KLRG1: variants seen among roughly 807,000 people sequenced by gnomAD.
KLRG1 encodes the protein killer cell lectin like receptor G1, also known as killer cell lectin-like receptor subfamily G member 1.
KLRG1 carries 16 observed loss-of-function variants against 21.8 expected under a neutral mutation model. The observed-to-expected ratio is 0.73, with a 90% confidence interval of 0.50 to 1.11. KLRG1 has a LOEUF of 1.11. KLRG1 is among the 50% of genes most tolerant of loss of function. The probability of loss-of-function intolerance (pLI) is 0.00; values close to 1 mark genes in which losing one functional copy is unlikely to be tolerated. For missense variants in KLRG1, 173 were observed against 218.3 expected (o/e 0.79, Z 1.31); for synonymous variants, 69 against 75.9 (o/e 0.91, Z 0.47).
rs757315791 is a variant in KLRG1, at chr12:9,009,218, A to G, written c.458+143A>G. 8 of 850,846 alleles carry G rather than the reference A, an allele frequency of 9.4e-6. No homozygotes were observed. The Admixed American group carries it at 2.3e-4, about 25-fold the overall frequency. 52.7% of individuals were successfully genotyped at this position (850,846 alleles called of 1,614,324 possible). A position where few individuals can be genotyped will look rare whatever the true frequency, so the allele number is the denominator to read the frequency against. ...AGAGGAAATAGGGAACAAGGAAGGG[A>G]ATGAACAATGGGTAAGGGCAAAAAA... On this transcript the variant is annotated intron_variant, in intron 4 of 4. Transcript: ENST00000356986.
At chr12:8,967,606 C>T (rs1453013536) in intron 1 of KLRG1, among the ~76,000 whole-genome samples, 58 of 152,044 alleles carry the variant, frequency 3.8e-4, no homozygotes, top group Admixed American at 3.7e-3. Flanking sequence ...CTTGCAGTCT[C>T]AGCTACTTGA....
At chr12:9,094,340 C>CATATATATATATATATAT in the KLRG1 span, among the ~76,000 whole-genome samples, 1 of 97,018 alleles carries the variant, frequency 1.0e-5, no homozygotes, top group Non-Finnish European at 2.0e-5. Flanking sequence ...AAAAATTGTG[C>CATATATATATATATATAT]ATATATATAT....
chr12:9,157,134 T>C, the KLRG1 span: 12,663 of 1,577,554 alleles, frequency 8.0e-3, 67 homozygotes, highest in Non-Finnish European at 0.01. Context: ...CCTGTGTCTA[T>C]GTGTTCTCAT....
At chr12:9,109,331 C>T in the KLRG1 span, 7 of 1,612,066 alleles carry the variant, frequency 4.3e-6, no homozygotes, top group Admixed American at 1.0e-4. Context: ...AGGCCACACA[C>T]TGATACATTC....
the KLRG1 span, chr12:9,106,451 G>T: frequency 6.9e-7 from 1 of 1,441,216 alleles, no homozygotes; most frequent in Non-Finnish European, 9.7e-7. Flanking sequence ...GAAAATCAAT[G>T]CCTGTTGTGT....
the KLRG1 span, chr12:9,160,144 G>C: frequency 1.7e-6 from 2 of 1,172,748 alleles, no homozygotes; most frequent in Non-Finnish European, 2.5e-6. Flanking sequence ...ATCTGCCATA[G>C]TTTTGTGAAT....
the KLRG1 span, among the ~76,000 whole-genome samples, chr12:9,185,995 A>G: frequency 3.3e-5 from 5 of 151,760 alleles, no homozygotes; most frequent in Non-Finnish European, 5.9e-5. Flanking sequence ...TTTAGTAGAG[A>G]TGGGGTTTCA....
the KLRG1 span, among the ~76,000 whole-genome samples, chr12:9,180,521 A>G: frequency 6.6e-6 from 1 of 152,346 alleles, no homozygotes; most frequent in East Asian, 1.9e-4. Context: ...CTGATCTTCG[A>G]CAAACCTGAG....
At chr12:9,042,226 G>A in the KLRG1 span, among the ~76,000 whole-genome samples, 1 of 152,178 alleles carries the variant, frequency 6.6e-6, no homozygotes, top group African/African-American at 2.4e-5. Context: ...AGAAGTAACT[G>A]CTCAGTTTTC....
intron 1 of KLRG1, among the ~76,000 whole-genome samples, chr12:8,953,747 A>G (rs898789620): frequency 2.0e-5 from 3 of 152,220 alleles, no homozygotes; most frequent in African/African-American, 7.2e-5. Context: ...GGAAAAATTT[A>G]AAGAATTATT....
chr12:9,011,873 C>G (rs764234219), downstream of KLRG1, among the ~76,000 whole-genome samples: 3 of 152,120 alleles, frequency 2.0e-5, no homozygotes, highest in Non-Finnish European at 2.9e-5. Flanking sequence ...TCTGTCAAAG[C>G]AGATAGCGAC....
chr12:9,023,234 G>A, the KLRG1 span, among the ~76,000 whole-genome samples: 3 of 152,120 alleles, frequency 2.0e-5, no homozygotes, highest in East Asian at 1.9e-4. Context: ...AGATAGTATC[G>A]GAATTGAATT....
At chr12:9,068,665 C>A in the KLRG1 span, 4 of 1,185,064 alleles carry the variant, frequency 3.4e-6, no homozygotes, top group Admixed American at 2.0e-5. Flanking sequence ...AATAAATAAC[C>A]CCAACACATC....
the KLRG1 span, chr12:9,072,646 G>T: frequency 6.2e-7 from 1 of 1,613,866 alleles, no homozygotes; most frequent in Non-Finnish European, 8.5e-7. Flanking sequence ...CTGCCCAAGA[G>T]TCTCACCTGG....
chr12:9,062,753 TTGTTATA>T, the KLRG1 span, among the ~76,000 whole-genome samples: 2 of 148,162 alleles, frequency 1.3e-5, no homozygotes, highest in African/African-American at 4.9e-5. Flanking sequence ...TTATAATATA[TTGTTATA>T]TGTTATATGA....
the KLRG1 span, among the ~76,000 whole-genome samples, chr12:9,045,992 C>T: frequency 2.0e-5 from 3 of 152,114 alleles, no homozygotes; most frequent in Non-Finnish European, 4.4e-5. Flanking sequence ...AATGAGAACA[C>T]GTGGACACGG....
At chr12:9,013,899 A>G (rs748867074), downstream of KLRG1, among the ~76,000 whole-genome samples, 1 of 152,212 alleles carries the variant, frequency 6.6e-6, no homozygotes, top group Admixed American at 6.5e-5. Context: ...CTTAACAAAG[A>G]GAACAAAAAT....
the KLRG1 span, among the ~76,000 whole-genome samples, chr12:9,129,590 C>T: frequency 6.6e-6 from 1 of 151,416 alleles, no homozygotes; most frequent in East Asian, 1.9e-4. Flanking sequence ...TTTTTTTTTC[C>T]CGAGACGGAG....
intron 1 of KLRG1, among the ~76,000 whole-genome samples, chr12:8,956,670 C>T (rs756160853): frequency 6.6e-6 from 1 of 152,190 alleles, no homozygotes; most frequent in Non-Finnish European, 1.5e-5. Context: ...TGGTCTCGAA[C>T]TCCTGACCTC....
Sources: gnomAD v4.1 joint callset for allele counts (sites outside exome capture counted in the v4.1 genomes callset) on GRCh38, gnomAD v4.1.1 for gene constraint, MANE v1.5 for transcripts, NCBI Gene and HGNC (gene_info 2026-07-23, HGNC 2026-07-21) for gene names.